Variants in NPTN observed in about 807,000 individuals in gnomAD.
NPTN encodes the protein neuroplastin.
NPTN carries 5 observed loss-of-function variants against 42.7 expected under a neutral mutation model. The ratio of observed to expected loss-of-function variants is 0.12; its 90% CI spans 0.06 to 0.25. NPTN has a LOEUF of 0.25. Ranked by LOEUF, NPTN falls within the 10% of genes least tolerant of loss-of-function variation. The pLI is 1.00. For missense variants in NPTN, 307 were observed against 525.4 expected, an observed-to-expected ratio of 0.58 and a Z score of 4.06; for synonymous variants, 180 against 201.9, an observed-to-expected ratio of 0.89 and a Z score of 0.92.
intron 1 of NPTN, among the ~76,000 whole-genome samples, chr15:73,624,051 C>CA (rs1898273218): frequency 6.6e-6 from 1 of 152,200 alleles, no homozygotes; most frequent in East Asian, 1.9e-4. Context: ...TAGATAATCA[C>CA]ATCCCCCTAG....
At chr15:73,606,509 A>C (rs1461045434) in intron 1 of NPTN, among the ~76,000 whole-genome samples, 1 of 152,188 alleles carries the variant, frequency 6.6e-6, no homozygotes, top group African/African-American at 2.4e-5. Flanking sequence ...GCTATATCTT[A>C]AAGAGAGTTA....
intron 5 of NPTN, among the ~76,000 whole-genome samples, chr15:73,571,884 T>A (rs1285491442): frequency 2.0e-5 from 3 of 152,232 alleles, no homozygotes; most frequent in Non-Finnish European, 4.4e-5. Flanking sequence ...ACAGCTAGTC[T>A]GTGATGCCTC....
At position 73,598,472 on chromosome 15, in the gene NPTN, TAAAA is replaced by T. The variant is rs201563805; in HGVS notation, c.92-1107_92-1104del. On this transcript the variant is annotated intron_variant, in intron 1 of 8. Coordinates refer to ENST00000345330, the MANE Select transcript of NPTN (RefSeq NM_012428.4). The stretch of plus-strand genomic sequence containing the variant: ...ACAAGGTGGAAATGGCAGAAAGAGT[TAAAA>T]AAAAAAAAAATCCAGGCTTAGTTTA... 2.1e-5 allele frequency among the ~76,000 whole-genome samples: 3 copies of T among 142,634 alleles called. No individual in the cohort carries two copies. The Admixed American group carries it at 2.1e-4, about 10-fold the overall frequency. 93.6% of individuals were successfully genotyped at this position (142,634 alleles called of 152,430 possible).
intron 7 of NPTN, among the ~76,000 whole-genome samples, chr15:73,562,456 G>A (rs1272304996): frequency 2.0e-5 from 3 of 152,144 alleles, no homozygotes; most frequent in African/African-American, 7.2e-5. Flanking sequence ...TACGATACAG[G>A]TGAGAATATG....
chr15:73,588,198 C>G (rs894740015), intron 3 of NPTN, among the ~76,000 whole-genome samples: 1 of 152,192 alleles, frequency 6.6e-6, no homozygotes, highest in East Asian at 1.9e-4. Flanking sequence ...CAAGATCATG[C>G]CAACGCACTC....
At chr15:73,606,648 T>C (rs1225724287) in intron 1 of NPTN, among the ~76,000 whole-genome samples, 1 of 152,112 alleles carries the variant, frequency 6.6e-6, no homozygotes, top group African/African-American at 2.4e-5. Context: ...ACATCCAAAA[T>C]GGAGCTTTGA....
chr15:73,622,107 C>T (rs570215618), intron 1 of NPTN, among the ~76,000 whole-genome samples: 435 of 152,130 alleles, frequency 2.9e-3, no homozygotes, highest in Admixed American at 5.6e-3. Flanking sequence ...GCTGAGATCG[C>T]GCCACTACAC....
chr15:73,564,194 T>G (rs906276524), intron 6 of NPTN, among the ~76,000 whole-genome samples: 1 of 152,194 alleles, frequency 6.6e-6, no homozygotes, highest in Non-Finnish European at 1.5e-5. Flanking sequence ...AGGGAACAAG[T>G]AAGTGCTCTT....
At chr15:73,578,015 T>C (rs187425590) in intron 4 of NPTN, among the ~76,000 whole-genome samples, 9 of 152,232 alleles carry the variant, frequency 5.9e-5, no homozygotes, top group Admixed American at 2.6e-4. Flanking sequence ...AAGAACACTC[T>C]AGGTCGAGGG....
At chr15:73,625,435 G>A (rs1014730674) in intron 1 of NPTN, among the ~76,000 whole-genome samples, 3 of 151,812 alleles carry the variant, frequency 2.0e-5, no homozygotes, top group East Asian at 3.9e-4. Flanking sequence ...CCGGGTTCAC[G>A]CCATTCTCCT....
intron 4 of NPTN, among the ~76,000 whole-genome samples, chr15:73,576,159 G>A (rs1895684610): frequency 6.6e-6 from 1 of 152,162 alleles, no homozygotes; most frequent in South Asian, 2.1e-4. Context: ...ACCATGTGCT[G>A]CTCCAGCCAG....
chr15:73,569,510 G>C lies in NPTN; in HGVS notation c.1114+640C>G. 2 of 985,392 alleles carry C rather than the reference G, an allele frequency of 2.0e-6. No individual in the cohort carries two copies. Among genetic ancestry groups the C allele is most frequent in the Middle Eastern group, 5.2e-4 (1 of 1,914 alleles). 61.0% of individuals were successfully genotyped at this position (985,392 alleles called of 1,614,324 possible). On this transcript the variant is annotated intron_variant, in intron 6 of 8. Transcript: ENST00000345330. The surrounding 1 kb of genome is among the most constrained non-coding windows in gnomAD (Gnocchi z 4.1). Reference sequence around the variant, plus strand: ...TTGCTATCTCTGTCTTACACTAGATGGGTGGATACATCAGACTCTCCTTTG... The same window carrying C: ...TTGCTATCTCTGTCTTACACTAGATCGGTGGATACATCAGACTCTCCTTTG...
intron 1 of NPTN, among the ~76,000 whole-genome samples, chr15:73,600,927 C>A (rs1897057953): frequency 6.6e-6 from 1 of 152,166 alleles, no homozygotes. Context: ...ATGCCCTGCT[C>A]TGGAGAAGGC....
rs1385602286 is a variant in NPTN, at chr15:73,569,322, C to CT, written c.1114+827dup. 3.5e-5 allele frequency: 34 copies of CT among 985,440 alleles called. No individual in the cohort carries two copies. The highest frequency in any genetic ancestry group is 4.1e-5 in the Non-Finnish European group (34 of 830,028). 61.0% of individuals were successfully genotyped at this position (985,440 alleles called of 1,614,324 possible). On this transcript the variant is annotated intron_variant, in intron 6 of 8. Transcript: ENST00000345330. This position sits in a 1 kb window ranked among gnomAD's most constrained non-coding sequence, Gnocchi z 4.1. ...ATCGATCACCAAAAATTTCCCAAGG[C>CT]TTTTCTGACTCTAGGCATATCCAAT...
chr15:73,609,826 T>C (rs1032081199), intron 1 of NPTN, among the ~76,000 whole-genome samples: 1 of 152,168 alleles, frequency 6.6e-6, no homozygotes, highest in African/African-American at 2.4e-5. Flanking sequence ...AGTTTCAATA[T>C]ATATACAATG....
intron 1 of NPTN, among the ~76,000 whole-genome samples, chr15:73,629,932 T>A (rs1019165790): frequency 6.6e-6 from 1 of 152,086 alleles, no homozygotes; most frequent in African/African-American, 2.4e-5. Flanking sequence ...GCAGACACAG[T>A]GCAGCTGGTC....
intron 4 of NPTN, among the ~76,000 whole-genome samples, chr15:73,586,128 C>T (rs991827304): frequency 6.6e-6 from 1 of 152,202 alleles, no homozygotes. Context: ...AGACACCCCA[C>T]TCTTTCCTTC....
chr15:73,626,099 G>A lies in NPTN; in HGVS notation c.91+7026C>T, dbSNP rs1409494860. Among the ~76,000 whole-genome samples, 3 of 152,280 alleles carry A rather than the reference G, an allele frequency of 2.0e-5. No individual in the cohort carries two copies. In the East Asian group the frequency reaches 5.8e-4, roughly 29 times the overall value. ...GACTGCAGAAACTAACTCATATATAGAAAACAAACTTTCTCGAAAGATAAC... is the reference window on the plus strand; with the variant it reads ...GACTGCAGAAACTAACTCATATATAAAAAACAAACTTTCTCGAAAGATAAC... On this transcript the variant is annotated intron_variant, in intron 1 of 8. Transcript: ENST00000345330.
chr15:73,571,898 C>A (rs1262488244), intron 5 of NPTN, among the ~76,000 whole-genome samples: 1 of 152,222 alleles, frequency 6.6e-6, no homozygotes, highest in African/African-American at 2.4e-5. Context: ...ATGCCTCAAG[C>A]TTCATCTTTC....
Sources: gnomAD v4.1 joint callset for allele counts (sites outside exome capture counted in the v4.1 genomes callset) on GRCh38, gnomAD v4.1.1 for gene constraint, Gnocchi (gnomAD v3.1) non-coding constraint, MANE v1.5 for transcripts, NCBI Gene and HGNC (gene_info 2026-07-23, HGNC 2026-07-21) for gene names.